The following FAM20A variants were observed in gnomAD, a reference collection of about 807,000 sequenced individuals.
The protein encoded by FAM20A is pseudokinase FAM20A.
A neutral mutation model predicts 52.0 loss-of-function variants in FAM20A; 42 were observed. The ratio of observed to expected loss-of-function variants is 0.81; its 90% confidence interval spans 0.63 to 1.04. FAM20A has a LOEUF of 1.04. Among genes scored for constraint, FAM20A ranks in the 50% least tolerant of loss-of-function variants. FAM20A has a pLI of 0.00. For missense variants in FAM20A, 742 were observed against 712.7 expected, an observed-to-expected ratio of 1.04 and a Z score of -0.47; for synonymous variants, 304 against 298.9, an observed-to-expected ratio of 1.02 and a Z score of -0.18.
At chr17:68,575,827 CACACAT>C (rs1424280871) in intron 1 of FAM20A, among the ~76,000 whole-genome samples, 12 of 136,764 alleles carry the variant, frequency 8.8e-5, no homozygotes, top group South Asian at 2.5e-4. Context: ...CACACACACA[CACACAT>C]AATCAGCCAT....
chr17:68,595,224 C>CAG (rs1363071143), intron 1 of FAM20A, among the ~76,000 whole-genome samples: 1 of 152,224 alleles, frequency 6.6e-6, no homozygotes, highest in Non-Finnish European at 1.5e-5. Flanking sequence ...GGAACAGCCT[C>CAG]TGGTTCTCAG....
intron 1 of FAM20A, among the ~76,000 whole-genome samples, chr17:68,568,440 C>G (rs1174714897): frequency 1.3e-5 from 2 of 150,992 alleles, no homozygotes; most frequent in Non-Finnish European, 2.9e-5. Flanking sequence ...TGCACTCCAG[C>G]CTGGGTGACA....
rs113263481 is a variant in FAM20A at position 68,535,808 on chromosome 17, ATT to A, written c.*1667_*1668del. On this transcript the variant is annotated 3_prime_UTR_variant, in exon 11 of 11. Coordinates refer to ENST00000592554, the MANE Select transcript of FAM20A (RefSeq NM_017565.4). Reference sequence around the variant, plus strand: ...ACAGGTGTGAGCCCATGCCCAGCTGATTTTTTTTTTAAGCAAACAAATTTGAC... The same window carrying A: ...ACAGGTGTGAGCCCATGCCCAGCTGATTTTTTTTAAGCAAACAAATTTGAC... 1.1e-5 allele frequency: 5 copies of A among 437,758 alleles called. No homozygotes were observed. In the East Asian group the frequency reaches 3.6e-4, roughly 31 times the overall value. 27.1% of individuals were successfully genotyped at this position (437,758 alleles called of 1,614,324 possible).
chr17:68,573,641 T>C (rs1422549804), intron 1 of FAM20A, among the ~76,000 whole-genome samples: 4 of 150,768 alleles, frequency 2.7e-5, no homozygotes, highest in Non-Finnish European at 5.9e-5. Context: ...CTTCCCTCCT[T>C]TCTTTCTTCC....
chr17:68,593,993 G>A (rs894962313), intron 1 of FAM20A, among the ~76,000 whole-genome samples: 1 of 152,226 alleles, frequency 6.6e-6, no homozygotes, highest in Non-Finnish European at 1.5e-5. Context: ...GGAGCTGGTG[G>A]TTAAGAGCAT....
intron 4 of FAM20A, chr17:68,551,367 C>A: frequency 2.7e-6 from 1 of 368,040 alleles, no homozygotes; most frequent in Non-Finnish European, 4.8e-6. Context: ...TCAGTTGAAA[C>A]AAGTATTGTG....
intron 1 of FAM20A, among the ~76,000 whole-genome samples, chr17:68,556,578 AG>A (rs983293788): frequency 7.4e-5 from 7 of 94,384 alleles, no homozygotes; most frequent in Admixed American, 5.2e-4. Flanking sequence ...CGGGGCAGGG[AG>A]GGGGGGTGGT....
In FAM20A at chr17:68,535,930, A is replaced by C. The variant is rs1395415027; in HGVS notation, c.*1547T>G. 4.4e-6 allele frequency: 2 copies of C among 453,828 alleles called. No homozygotes were observed. Among genetic ancestry groups the C allele is most frequent in the Non-Finnish European group, 8.8e-6 (2 of 226,782 alleles). 28.1% of individuals were successfully genotyped at this position (453,828 alleles called of 1,614,324 possible). A position where few individuals can be genotyped will look rare whatever the true frequency, so the allele number is the denominator to read the frequency against. ...ACCACTAAATTGTGTGATTTTGCTT[A>C]CTCTCTCTGAGATTTAAAGTTCTTC... On this transcript the variant is annotated 3_prime_UTR_variant, in exon 11 of 11. Transcript: ENST00000592554.
At chr17:68,597,289 C>A (rs2088480743) in intron 1 of FAM20A, among the ~76,000 whole-genome samples, 1 of 151,148 alleles carries the variant, frequency 6.6e-6, no homozygotes, top group Non-Finnish European at 1.5e-5. Flanking sequence ...ACTGATTTGG[C>A]TTATTTTATT....
chr17:68,555,602 G>C lies in FAM20A; in HGVS notation c.546C>G (p.Ser182Arg), dbSNP rs190065760. The part of the protein sequence containing the change: ...GLYSRSSPVV[S>R]KLLQDMRHFP... Reference sequence around the variant, plus strand: ...AGTGCCTCATGTCTTGCAGAAGTTTGCTGACAACAGGGCTGGACCGGGAGT... The same window carrying C: ...AGTGCCTCATGTCTTGCAGAAGTTTCCTGACAACAGGGCTGGACCGGGAGT... The change falls in exon 2 of 11, where the codon AGC becomes AGG. Residue 182 changes from serine (S) to arginine (R), a missense_variant. Coordinates refer to ENST00000592554, the MANE Select transcript of FAM20A (RefSeq NM_017565.4). 6.2e-7 allele frequency: 1 copy of C among 1,613,398 alleles called. No individual in the cohort carries two copies. Among genetic ancestry groups the C allele is most frequent in the Non-Finnish European group, 8.5e-7 (1 of 1,180,034 alleles).
At chr17:68,581,415 T>TTTCTTTC (rs1491294719) in intron 1 of FAM20A, among the ~76,000 whole-genome samples, 4 of 122,654 alleles carry the variant, frequency 3.3e-5, no homozygotes, top group African/African-American at 1.3e-4. Flanking sequence ...TCTTTCTTTC[T>TTTCTTTC]TTTTCTCTTT....
At chr17:68,561,335 G>T (rs1261687587) in intron 1 of FAM20A, among the ~76,000 whole-genome samples, 1 of 152,138 alleles carries the variant, frequency 6.6e-6, no homozygotes, top group East Asian at 1.9e-4. Context: ...TTAGGTATGG[G>T]TTCACCTTTC....
chr17:68,550,972 T>A, intron 4 of FAM20A: 1 of 969,764 alleles, frequency 1.0e-6, no homozygotes. Flanking sequence ...CTTGAATGGC[T>A]GAAGGTTTGG....
rs8066444 is a variant in FAM20A, at chr17:68,558,391, G to A, written c.405-2648C>T. On this transcript the variant is annotated intron_variant, in intron 1 of 10. Coordinates refer to ENST00000592554, the MANE Select transcript of FAM20A (RefSeq NM_017565.4). ...CTCATGTTGAAATGTAGTCCCCAGT[G>A]TTGAAGGTGGGGCCTGGTGGGAGGT... 2.3e-3 allele frequency: 969 copies of A among 426,642 alleles called. 14 individuals carry two copies. The highest frequency in any genetic ancestry group is 0.018 in the African/African-American group (874 of 49,210). 26.4% of individuals were successfully genotyped at this position (426,642 alleles called of 1,614,324 possible).
chr17:68,539,050 CAG>C (rs2086180937), intron 10 of FAM20A, among the ~76,000 whole-genome samples: 1 of 152,124 alleles, frequency 6.6e-6, no homozygotes, highest in Non-Finnish European at 1.5e-5. Context: ...CTTTACAACA[CAG>C]TGGTGGATAG....
intron 4 of FAM20A, among the ~76,000 whole-genome samples, chr17:68,546,639 G>A (rs189332168): frequency 7.2e-5 from 11 of 152,128 alleles, no homozygotes; most frequent in African/African-American, 2.2e-4. Flanking sequence ...GACCATCCTG[G>A]CTAACACGGT....
chr17:68,540,218 C>T (rs1489384919), intron 8 of FAM20A, among the ~76,000 whole-genome samples: 1 of 152,232 alleles, frequency 6.6e-6, no homozygotes, highest in African/African-American at 2.4e-5. Context: ...CCTGCCCCTA[C>T]TCCAGCCTTT....
chr17:68,535,187 A>C lies in FAM20A; in HGVS notation c.*2290T>G, dbSNP rs1263364989. 1 of 438,422 alleles carries C rather than the reference A, an allele frequency of 2.3e-6. No homozygotes were observed. The highest frequency in any genetic ancestry group is 2.0e-5 in the African/African-American group (1 of 49,392). 27.2% of individuals were successfully genotyped at this position (438,422 alleles called of 1,614,324 possible). ...ATGAACATGCTGGAAGAACTCGAGT[A>C]AGAATGAAACGGTTGGTTTTCTGAT... On this transcript the variant is annotated 3_prime_UTR_variant, in exon 11 of 11. Transcript: ENST00000592554.
chr17:68,578,838 CAAAAAAA>C (rs5821664), intron 1 of FAM20A, among the ~76,000 whole-genome samples: 35 of 36,072 alleles, frequency 9.7e-4, no homozygotes, highest in South Asian at 3.1e-3. Context: ...CTAAAAATAC[CAAAAAAA>C]AAAAAAAAAA....
Sources: gnomAD v4.1 joint callset for allele counts (sites outside exome capture counted in the v4.1 genomes callset) on GRCh38, gnomAD v4.1.1 for gene constraint, MANE v1.5 for transcripts, NCBI Gene and HGNC (gene_info 2026-07-23, HGNC 2026-07-21) for gene names.